The following RP2 variants were observed in gnomAD, a reference collection of about 807,000 sequenced individuals.
RP2 encodes the protein protein XRP2.
A neutral mutation model predicts 20.3 loss-of-function variants in RP2; 3 were observed. That is an observed-to-expected ratio of 0.15 (90% CI 0.07 to 0.38). The LOEUF (loss-of-function observed/expected upper bound fraction) is 0.38, where lower values mean the gene tolerates loss of function less well. RP2 is among the 10% of genes least tolerant of loss of function. The probability of loss-of-function intolerance (pLI) is 1.00; values close to 1 mark genes in which losing one functional copy is unlikely to be tolerated. For synonymous variants in RP2, 75 were observed against 94.8 expected, an observed-to-expected ratio of 0.79 and a Z score of 1.22; for missense variants, 233 against 268.5, an observed-to-expected ratio of 0.87 and a Z score of 0.92.
intron 1 of RP2, among the ~76,000 whole-genome samples, chrX:46,847,722 G>GTGTGTGTGTATATATACACACATA (rs1924749019): frequency 1.4e-5 from 1 of 73,530 alleles, no homozygotes; most frequent in Non-Finnish European, 2.8e-5. Context: ...ACACATATAT[G>GTGTGTGTGTATATATACACACATA]TGTGTGTGTA....
intron 1 of RP2, among the ~76,000 whole-genome samples, chrX:46,847,767 T>TATGTGTGTGTGTATGTATATACACAC (rs781898428): frequency 1.5e-5 from 1 of 68,515 alleles, no homozygotes. Context: ...TATACACACA[T>TATGTGTGTGTGTATGTATATACACAC]GTGTGTGTGT....
intron 1 of RP2, among the ~76,000 whole-genome samples, chrX:46,839,656 G>A (rs1415028184): frequency 3.6e-5 from 4 of 111,778 alleles, no homozygotes; most frequent in African/African-American, 9.7e-5. Flanking sequence ...CCAATGATAC[G>A]TTTACTGAGC....
In RP2 at chrX:46,877,569, C is replaced by T. The variant is rs1170818854; in HGVS notation, c.948C>T (p.Asn316=). 8 of 1,193,830 alleles carry T rather than the reference C, an allele frequency of 6.7e-6. No homozygotes were observed. Among genetic ancestry groups the T allele is most frequent in the African/African-American group, 5.2e-5 (3 of 57,445 alleles). The stretch of plus-strand genomic sequence containing the variant: ...TAGAAGTATGTCAACTTATTGTAAA[C>T]GAGATATTCAATGGGACCAAGGTAC... ...GAVEVCQLIV[N]EIFNGTKMFV... is the part of the protein sequence containing the mutation. The change falls in exon 4 of 5, where the codon AAC becomes AAT. Residue 316 remains asparagine, a synonymous_variant. Coordinates refer to ENST00000218340, the MANE Select transcript of RP2 (RefSeq NM_006915.3).
Position 46,879,693 on chromosome X carries a change from T to C in RP2, c.977T>C (p.Val326Ala), listed in dbSNP as rs1556328385. The C allele has an allele frequency of 5.9e-6, 7 of 1,186,552 alleles. No homozygotes were observed. The highest frequency in any genetic ancestry group is 2.3e-4 in the Middle Eastern group (1 of 4,280). The change falls in exon 5 of 5, where the codon GTA (valine) becomes GCA (alanine). Residue 326 changes from valine to alanine, a missense_variant. By Grantham distance (64) the Val-to-Ala change is moderately conservative. Coordinates refer to ENST00000218340, the MANE Select transcript of RP2 (RefSeq NM_006915.3). ...ATTTTCTATTTAAAATAGATGTTTG[T>C]ATCTGAAAGCAAGGAGACGGCATCT... The part of the protein sequence containing the change: ...NEIFNGTKMF[V>A]SESKETASGD...
At chrX:46,856,961 T>C (rs1449511159) in intron 2 of RP2, among the ~76,000 whole-genome samples, 1 of 111,989 alleles carries the variant, frequency 8.9e-6, no homozygotes, top group Non-Finnish European at 1.9e-5. Flanking sequence ...CAGGGAAATA[T>C]GTATAGAAGC....
rs1925444984 is a variant in RP2 at position 46,880,040 on chromosome X, A to G, written c.*271A>G. The G allele has an allele frequency of 5.1e-6, 1 of 195,505 alleles. No homozygotes were observed. Among genetic ancestry groups the G allele is most frequent in the Non-Finnish European group, 9.3e-6 (1 of 107,976 alleles). 16.1% of individuals were successfully genotyped at this position (195,505 alleles called of 1,213,427 possible). A position where few individuals can be genotyped will look rare whatever the true frequency, so the allele number is the denominator to read the frequency against. ...TCTCTGCATATGATATTCTTATTAG[A>G]AAACAGAAGTAGCTAAAAGTTTATT... On this transcript the variant is annotated 3_prime_UTR_variant, in exon 5 of 5. Coordinates refer to ENST00000218340, the MANE Select transcript of RP2 (RefSeq NM_006915.3).
At chrX:46,870,512 C>A (rs963239212) in intron 3 of RP2, among the ~76,000 whole-genome samples, 2 of 111,727 alleles carry the variant, frequency 1.8e-5, no homozygotes, top group Admixed American at 1.9e-4. Context: ...CTCAGCCTCC[C>A]AAAGTGCTGG....
intron 4 of RP2, among the ~76,000 whole-genome samples, chrX:46,878,371 T>C (rs184779677): frequency 0.041 from 4,052 of 98,969 alleles, 226 homozygotes; most frequent in African/African-American, 0.14. Context: ...AGCGAGACTC[T>C]GTCTCAAAAA....
chrX:46,847,574 A>C (rs1245036238), intron 1 of RP2, among the ~76,000 whole-genome samples: 1 of 105,819 alleles, frequency 9.5e-6, no homozygotes, highest in Non-Finnish European at 1.9e-5. Flanking sequence ...GTGTGTATAT[A>C]TATACATACA....
intron 3 of RP2, among the ~76,000 whole-genome samples, chrX:46,868,600 A>C (rs1440590672): frequency 9.4e-6 from 1 of 106,150 alleles, no homozygotes; most frequent in Non-Finnish European, 1.9e-5. Context: ...GCCTGCCAAC[A>C]TGATGAAACC....
At position 46,853,564 on chromosome X, in the gene RP2, T is replaced by C. The variant is rs782712704; in HGVS notation, c.191T>C (p.Ile64Thr). ...PGTVAGQQFL[I>T]QDCENCNIYI... is the part of the protein sequence containing the mutation. The stretch of plus-strand genomic sequence containing the variant: ...ACGGTAGCAGGACAACAGTTTCTCA[T>C]TCAAGACTGTGAGAACTGTAACATC... Residue 64 changes from isoleucine (I) to threonine (T), a missense_variant, in exon 2 of 5, where the codon ATT becomes ACT. Ile to Thr is a moderately conservative substitution (Grantham distance 89). This residue lies in a region of RP2 where 77 missense variants were observed against 71.8 expected (regional missense o/e 1.07). Coordinates refer to ENST00000218340, the MANE Select transcript of RP2 (RefSeq NM_006915.3). 1.7e-6 allele frequency: 2 copies of C among 1,210,801 alleles called. No homozygotes were observed. Among genetic ancestry groups the C allele is most frequent in the Admixed American group, 4.3e-5 (2 of 46,009 alleles).
intron 1 of RP2, among the ~76,000 whole-genome samples, chrX:46,851,799 G>A (rs191566077): frequency 1.4e-4 from 16 of 112,152 alleles, no homozygotes; most frequent in Non-Finnish European, 2.8e-4. Context: ...AGGCGTGGTG[G>A]CTCACGCCTG....
intron 2 of RP2, among the ~76,000 whole-genome samples, 166 bp from the exon 3 acceptor site, chrX:46,859,822 A>G (rs1925033236): frequency 3.6e-5 from 4 of 112,535 alleles, no homozygotes. Flanking sequence ...AAAGAATCTC[A>G]TATAGTGAGA....
At chrX:46,850,941 T>C (rs1399707106) in intron 1 of RP2, among the ~76,000 whole-genome samples, 3 of 111,785 alleles carry the variant, frequency 2.7e-5, no homozygotes, top group Non-Finnish European at 5.6e-5. Flanking sequence ...AAGGGGATTT[T>C]TTCAAGATCC....
chrX:46,851,983 C>G (rs182900040), intron 1 of RP2, among the ~76,000 whole-genome samples: 3 of 111,283 alleles, frequency 2.7e-5, no homozygotes, highest in Non-Finnish European at 3.8e-5. Flanking sequence ...AGGAGAGAGC[C>G]GAGTTCATGC....
intron 4 of RP2, among the ~76,000 whole-genome samples, chrX:46,879,062 T>TAAAAAAAAAAA (rs35579507): frequency 1.5e-4 from 5 of 33,047 alleles, no homozygotes; most frequent in Non-Finnish European, 2.2e-4. Flanking sequence ...CTACAAAAAG[T>TAAAAAAAAAAA]AAAAAAAAAA....
At chrX:46,878,816 C>T (rs1194149718) in intron 4 of RP2, among the ~76,000 whole-genome samples, 1 of 110,902 alleles carries the variant, frequency 9.0e-6, no homozygotes, top group Non-Finnish European at 1.9e-5. Context: ...TGCTAGTTTA[C>T]GATAAAGCTA....
chrX:46,859,503 A>G (rs1391093693), intron 2 of RP2, among the ~76,000 whole-genome samples: 1 of 109,176 alleles, frequency 9.2e-6, no homozygotes. Context: ...AAAAAAAAAA[A>G]GAAAGAAAAA....
intron 3 of RP2, among the ~76,000 whole-genome samples, chrX:46,866,873 A>G (rs988878552): frequency 8.1e-5 from 9 of 111,356 alleles, no homozygotes; most frequent in African/African-American, 2.6e-4. Context: ...CCCCAGTACC[A>G]TGGAAAACAG....
Sources: gnomAD v4.1 joint callset for allele counts (sites outside exome capture counted in the v4.1 genomes callset) on GRCh38, gnomAD v4.1.1 for gene constraint, gnomAD v4.1.1 regional missense constraint, MANE v1.5 for transcripts, NCBI Gene and HGNC (gene_info 2026-07-23, HGNC 2026-07-21) for gene names.